ANKRD44: variants seen among roughly 807,000 people sequenced by gnomAD.
ANKRD44 encodes serine/threonine-protein phosphatase 6 regulatory ankyrin repeat subunit B.
In ANKRD44, 35 loss-of-function variants were observed where a neutral mutation model predicts 116.0. That is an observed-to-expected ratio of 0.30 (90% CI 0.23 to 0.40). ANKRD44 has a LOEUF of 0.40. ANKRD44 is among the 10% of genes least tolerant of loss of function. The pLI is 1.00. For missense variants in ANKRD44, 1,014 were observed against 1,242.6 expected, an observed-to-expected ratio of 0.82 and a Z score of 2.77; for synonymous variants, 435 against 461.8, an observed-to-expected ratio of 0.94 and a Z score of 0.74.
downstream of ANKRD44, among the ~76,000 whole-genome samples, chr2:196,983,698 C>T (rs1358688702): frequency 6.6e-6 from 1 of 152,152 alleles, no homozygotes. Context: ...ATGTAATACA[C>T]AGTACTTCAT....
At chr2:197,136,527 C>T (rs190661726) in intron 4 of ANKRD44, 65 bp downstream of exon 4, 18 of 1,472,170 alleles carry the variant, frequency 1.2e-5, no homozygotes, top group East Asian at 1.1e-4. Context: ...ATTCTTAATT[C>T]GCTAGCAAGA....
At chr2:197,261,295 T>A (rs1311590655) in intron 1 of ANKRD44, among the ~76,000 whole-genome samples, 1 of 151,962 alleles carries the variant, frequency 6.6e-6, no homozygotes, top group Non-Finnish European at 1.5e-5. Flanking sequence ...TTTCTACATA[T>A]GGCTAGCCAG....
At chr2:197,200,779 A>C (rs918757526) in intron 1 of ANKRD44, among the ~76,000 whole-genome samples, 1 of 152,230 alleles carries the variant, frequency 6.6e-6, no homozygotes, top group African/African-American at 2.4e-5. Flanking sequence ...GGAATTTAGC[A>C]ACCAAAAAGA....
chr2:197,019,617 T>C (rs146242308), intron 17 of ANKRD44, among the ~76,000 whole-genome samples: 1 of 152,168 alleles, frequency 6.6e-6, no homozygotes, highest in South Asian at 2.1e-4. Context: ...GCTGTGAGGC[T>C]TTTCACTAGT....
At chr2:197,040,376 C>CTTTT (rs56405646) in intron 16 of ANKRD44, among the ~76,000 whole-genome samples, 5 of 122,670 alleles carry the variant, frequency 4.1e-5, no homozygotes, top group South Asian at 2.5e-4. Context: ...GGAGGTAAGC[C>CTTTT]TTTTTTTTTT....
At chr2:196,993,771 G>T in intron 26 of ANKRD44, 97 bp from the exon 27 acceptor site, 1 of 968,046 alleles carries the variant, frequency 1.0e-6, no homozygotes, top group South Asian at 1.4e-5. Flanking sequence ...GAAGTACTTA[G>T]ACTCTACAAA....
At position 197,203,650 on chromosome 2, in the gene ANKRD44, A is replaced by G. The variant is rs1447755635; in HGVS notation, c.28-16544T>C. Among the ~76,000 whole-genome samples, 1 of 152,248 alleles carries G rather than the reference A, an allele frequency of 6.6e-6. No homozygotes were observed. The highest frequency in any genetic ancestry group is 2.4e-5 in the African/African-American group (1 of 41,464). On this transcript the variant is annotated intron_variant, in intron 1 of 27. Transcript: ENST00000282272. The surrounding 1 kb of genome is among the most constrained non-coding windows in gnomAD (Gnocchi z 4.1). ...AATAGGTGTTGAAGCAAAAACGTGT[A>G]CCTAAATGTCCACAGCAGTACTATT...
At chr2:197,063,120 C>T (rs1402752088) in intron 16 of ANKRD44, among the ~76,000 whole-genome samples, 2 of 152,210 alleles carry the variant, frequency 1.3e-5, no homozygotes, top group Non-Finnish European at 2.9e-5. Flanking sequence ...TGAGACGAAG[C>T]TTCCAGAGGA....
chr2:197,136,094 C>G (rs2079210090), intron 4 of ANKRD44: 2 of 165,432 alleles, frequency 1.2e-5, no homozygotes, highest in African/African-American at 2.4e-5. Context: ...CCAACCTCCA[C>G]TATCAGATTT....
At chr2:197,251,003 A>G (rs2082303918) in intron 1 of ANKRD44, 1 of 152,260 alleles carries the variant, frequency 6.6e-6, no homozygotes, top group Non-Finnish European at 1.5e-5. Flanking sequence ...CTAAGAAAGA[A>G]GAAAAACTCT....
intron 16 of ANKRD44, among the ~76,000 whole-genome samples, chr2:197,075,224 A>G (rs2125112036): frequency 6.6e-6 from 1 of 152,326 alleles, no homozygotes; most frequent in South Asian, 2.1e-4. Flanking sequence ...AAAGATCTTT[A>G]TGTTCATGGA....
chr2:197,070,093 T>C (rs1202377642), intron 16 of ANKRD44, among the ~76,000 whole-genome samples: 1 of 152,214 alleles, frequency 6.6e-6, no homozygotes. Flanking sequence ...GTTTATCTCA[T>C]ATCTTGTGAC....
intron 16 of ANKRD44, among the ~76,000 whole-genome samples, chr2:197,063,023 A>G (rs565038307): frequency 1.3e-5 from 2 of 152,326 alleles, no homozygotes; most frequent in South Asian, 4.1e-4. Flanking sequence ...CTGCCTCCTC[A>G]AGTGGGTCCC....
At chr2:197,041,244 G>T (rs192903581) in intron 16 of ANKRD44, among the ~76,000 whole-genome samples, 3 of 152,208 alleles carry the variant, frequency 2.0e-5, no homozygotes, top group African/African-American at 7.2e-5. Context: ...CTCTTCTTAG[G>T]CTCCGAGACT....
chr2:197,046,417 G>T (rs1033808539), intron 16 of ANKRD44, among the ~76,000 whole-genome samples: 1 of 151,986 alleles, frequency 6.6e-6, no homozygotes, highest in Non-Finnish European at 1.5e-5. Context: ...TGTGGTGCAC[G>T]CAGAAATGCT....
At chr2:197,085,359 A>G (rs1418880421) in intron 13 of ANKRD44, among the ~76,000 whole-genome samples, 2 of 152,232 alleles carry the variant, frequency 1.3e-5, no homozygotes, top group African/African-American at 4.8e-5. Context: ...TGGGGATGTC[A>G]GAGACATGTG....
intron 1 of ANKRD44, among the ~76,000 whole-genome samples, chr2:197,242,141 T>C (rs116796789): frequency 7.2e-5 from 11 of 152,314 alleles, no homozygotes; most frequent in African/African-American, 2.4e-4. Flanking sequence ...TGCACTATTA[T>C]TGAAAAATTC....
At chr2:196,977,590 GA>G (rs1169107253) in intron 21 of ANKRD44, among the ~76,000 whole-genome samples, 3 of 152,196 alleles carry the variant, frequency 2.0e-5, no homozygotes, top group Non-Finnish European at 4.4e-5. Context: ...TAAGCACACA[GA>G]AAGGTGCTTG....
Position 197,005,734 on chromosome 2 carries a change from A to G in ANKRD44, c.2307T>C (p.Asp769=), listed in dbSNP as rs756717399. 6 of 1,614,088 alleles carry G rather than the reference A, an allele frequency of 3.7e-6. No individual in the cohort carries two copies. The South Asian group carries it at 6.6e-5, about 18-fold the overall frequency. The part of the protein sequence containing the change: ...ALSEEDCCFK[D]NQGYTPLHWA... ...AGTGCAGCGGCGTGTAGCCTTGGTT[A>G]TCTTTGAAACAACAGTCCTCCTCAG... Residue 769 remains aspartate (D), a synonymous_variant, in exon 21 of 28, where the codon GAT becomes GAC. Transcript: ENST00000282272.
Sources: allele counts gnomAD v4.1 joint callset (sites outside exome capture counted in the v4.1 genomes callset), GRCh38; gene constraint gnomAD v4.1.1; non-coding constraint Gnocchi (gnomAD v3.1); transcripts MANE v1.5; gene names NCBI Gene and HGNC (gene_info 2026-07-23, HGNC 2026-07-21).